TCAIM: variants seen among roughly 807,000 people sequenced by gnomAD.
TCAIM encodes the protein T-cell activation inhibitor, mitochondrial.
A neutral mutation model predicts 58.6 loss-of-function variants in TCAIM; 36 were observed. The ratio of observed to expected loss-of-function variants is 0.61; its 90% confidence interval spans 0.47 to 0.81. The LOEUF is 0.81. Ranked by LOEUF, TCAIM falls within the 30% of genes least tolerant of loss-of-function variation. The pLI is 0.00. For synonymous variants in TCAIM, 172 were observed against 193.6 expected, an observed-to-expected ratio of 0.89 and a Z score of 0.93; for missense variants, 466 against 579.6, an observed-to-expected ratio of 0.80 and a Z score of 2.01.
At chr3:44,358,068 T>G in intron 3 of TCAIM, 192 bp downstream of exon 3, 1 of 1,354,274 alleles carries the variant, frequency 7.4e-7, no homozygotes, top group Non-Finnish European at 9.7e-7. Flanking sequence ...GTCATTGTTT[T>G]GTGCAGGCAA....
intron 8 of TCAIM, 60 bp downstream of exon 8, chr3:44,396,894 A>G (rs920444661): frequency 4.0e-6 from 6 of 1,505,874 alleles, no homozygotes; most frequent in Non-Finnish European, 5.5e-6. Flanking sequence ...ATTTCCAACA[A>G]TGCTGTAATG....
At chr3:44,390,435 T>C (rs1339382974) in intron 5 of TCAIM, among the ~76,000 whole-genome samples, 2 of 152,052 alleles carry the variant, frequency 1.3e-5, no homozygotes, top group Non-Finnish European at 2.9e-5. Context: ...TTGGGCCACA[T>C]AGCAAGACCT....
At chr3:44,393,215 T>C (rs1471389872) in intron 6 of TCAIM, among the ~76,000 whole-genome samples, 1 of 152,160 alleles carries the variant, frequency 6.6e-6, no homozygotes. Flanking sequence ...CCCAGCACTT[T>C]GGGAGGCCAA....
chr3:44,369,324 A>T (rs1294732758), intron 5 of TCAIM, among the ~76,000 whole-genome samples: 1 of 152,220 alleles, frequency 6.6e-6, no homozygotes, highest in African/African-American at 2.4e-5. Context: ...CCTAAAGAGT[A>T]TAGAAAACAG....
chr3:44,399,343 T>C (rs1279585477), intron 8 of TCAIM, among the ~76,000 whole-genome samples: 3 of 152,120 alleles, frequency 2.0e-5, no homozygotes, highest in Admixed American at 1.3e-4. Context: ...CATGGAAAAA[T>C]TGAAAAATAG....
intron 5 of TCAIM, among the ~76,000 whole-genome samples, chr3:44,388,026 A>T (rs1427193472): frequency 6.6e-6 from 1 of 151,804 alleles, no homozygotes; most frequent in South Asian, 2.1e-4. Context: ...CTCTCTATAT[A>T]TATATATTTA....
At chr3:44,400,236 C>T in intron 8 of TCAIM, 119 bp from the exon 9 acceptor site, 1 of 769,464 alleles carries the variant, frequency 1.3e-6, no homozygotes, top group Non-Finnish European at 2.0e-6. Context: ...CTTGAACTTT[C>T]CTTCAATGAA....
rs1224796970 is a variant in TCAIM at position 44,407,599 on chromosome 3, T to G, written c.1408T>G (p.Cys470Gly). Residue 470 changes from cysteine to glycine, a missense_variant, in exon 11 of 11, where the codon TGC becomes GGC. Coordinates refer to ENST00000342649, the MANE Select transcript of TCAIM (RefSeq NM_173826.4). ...GCCTTACCTACATGGGATGCACCTC[T>G]GCATTTCACATTTTTACTCTGTTAT... ...SLPYLHGMHL[C>G]ISHFYSVMQD... 6.2e-7 allele frequency: 1 copy of G among 1,613,874 alleles called. No individual in the cohort carries two copies. Among genetic ancestry groups the G allele is most frequent in the African/African-American group, 1.3e-5 (1 of 74,924 alleles).
chr3:44,366,812 G>A (rs1701385549), intron 4 of TCAIM, among the ~76,000 whole-genome samples: 1 of 152,050 alleles, frequency 6.6e-6, no homozygotes, highest in Non-Finnish European at 1.5e-5. Context: ...GTCTTGGTCA[G>A]GCTGGTCTCA....
chr3:44,355,978 TCTTTC>T (rs1003490053), intron 2 of TCAIM, among the ~76,000 whole-genome samples: 2 of 152,218 alleles, frequency 1.3e-5, no homozygotes, highest in Non-Finnish European at 1.5e-5. Flanking sequence ...GCTGGCTGAT[TCTTTC>T]CTTTACTTTA....
At chr3:44,343,431 G>C (rs1389808114) in intron 1 of TCAIM, among the ~76,000 whole-genome samples, 6 of 152,054 alleles carry the variant, frequency 3.9e-5, no homozygotes, top group African/African-American at 1.2e-4. Context: ...CTAAAAACTA[G>C]ATGTTTTACT....
Position 44,367,597 on chromosome 3 carries a change from A to G in TCAIM, c.461A>G (p.Lys154Arg), listed in dbSNP as rs561131466. The G allele has an allele frequency of 3.7e-6, 6 of 1,614,150 alleles. No individual in the cohort carries two copies. In the African/African-American group the frequency reaches 8.0e-5, roughly 22 times the overall value. The change falls in exon 5 of 11, where the codon AAA becomes AGA. Residue 154 changes from lysine to arginine, a missense_variant. Transcript: ENST00000342649. ...NMHTQPLKEA[K>R]RMPDRPIKWD... is the part of the protein sequence containing the mutation. Reference sequence around the variant, plus strand: ...CATACCCAGCCTCTCAAAGAAGCTAAAAGGATGCCTGACAGGCCCATCAAA... The same window carrying G: ...CATACCCAGCCTCTCAAAGAAGCTAGAAGGATGCCTGACAGGCCCATCAAA...
At position 44,372,120 on chromosome 3, in the gene TCAIM, C is replaced by T. The variant is rs186257350; in HGVS notation, c.572+4412C>T. 4.1e-3 allele frequency among the ~76,000 whole-genome samples: 619 copies of T among 151,856 alleles called. 9 individuals carry two copies. The highest frequency in any genetic ancestry group is 0.014 in the African/African-American group (590 of 41,372). ...TGTGAAACCTATGTATAGGGAAGGC[C>T]GACTGTTGGTATACGCATGTTTGGC... On this transcript the variant is annotated intron_variant, in intron 5 of 10. Transcript: ENST00000342649.
intron 1 of TCAIM, among the ~76,000 whole-genome samples, chr3:44,347,593 A>G (rs1700996881): frequency 6.6e-6 from 1 of 152,230 alleles, no homozygotes; most frequent in Non-Finnish European, 1.5e-5. Context: ...CAGGGTGGAT[A>G]GGCAAAACAA....
Position 44,367,447 on chromosome 3 carries a change from AT to A in TCAIM, c.320-7del. Reference sequence around the variant, plus strand: ...TGTATTAATTGTTTGGGGGAATTATATTCTCTAGGATTTCGAGCAGTCAAAT... The same window carrying A: ...TGTATTAATTGTTTGGGGGAATTATATCTCTAGGATTTCGAGCAGTCAAAT... On this transcript the variant is annotated splice_polypyrimidine_tract_variant and splice_region_variant and intron_variant, in intron 4 of 10. Transcript: ENST00000342649. The A allele has an allele frequency of 6.3e-7, 1 of 1,599,056 alleles. No individual in the cohort carries two copies. The highest frequency in any genetic ancestry group is 1.7e-4 in the Middle Eastern group (1 of 5,986).
chr3:44,384,207 T>A, intron 5 of TCAIM, among the ~76,000 whole-genome samples: 1 of 152,250 alleles, frequency 6.6e-6, no homozygotes, highest in Non-Finnish European at 1.5e-5. Flanking sequence ...AAATGATTTA[T>A]GTGGCAAATT....
intron 1 of TCAIM, among the ~76,000 whole-genome samples, chr3:44,349,007 G>A (rs1035535920): frequency 5.3e-5 from 8 of 152,022 alleles, no homozygotes; most frequent in African/African-American, 1.7e-4. Flanking sequence ...GAGGAGGGGA[G>A]GTGATAGAAG....
rs1365062282 is a variant in TCAIM at position 44,400,296 on chromosome 3, A to G, written c.886-59A>G. 6 of 1,307,572 alleles carry G rather than the reference A, an allele frequency of 4.6e-6. No individual in the cohort carries two copies. The South Asian group carries it at 7.0e-5, about 15-fold the overall frequency. 81.0% of individuals were successfully genotyped at this position (1,307,572 alleles called of 1,614,324 possible). ...TTAATGCCATTTATTGGAATTCTAA[A>G]ATTAAATTATTATAGTAACATAAAA... On this transcript the variant is annotated intron_variant, in intron 8 of 10. Transcript: ENST00000342649.
At chr3:44,399,577 A>G (rs1407018795) in intron 8 of TCAIM, among the ~76,000 whole-genome samples, 4 of 152,152 alleles carry the variant, frequency 2.6e-5, no homozygotes, top group Non-Finnish European at 5.9e-5. Flanking sequence ...GCAGCAGGTC[A>G]CATGCCAGCC....
Sources: allele counts gnomAD v4.1 joint callset (sites outside exome capture counted in the v4.1 genomes callset), GRCh38; gene constraint gnomAD v4.1.1; transcripts MANE v1.5; gene names NCBI Gene and HGNC (gene_info 2026-07-23, HGNC 2026-07-21).